Variants in SORT1 observed in about 807,000 individuals in gnomAD.
The protein encoded by SORT1 is sortilin.
A neutral mutation model predicts 101.7 loss-of-function variants in SORT1; 39 were observed. The observed-to-expected ratio is 0.38, with a 90% confidence interval of 0.30 to 0.50. The LOEUF (loss-of-function observed/expected upper bound fraction) is 0.50, where lower values mean the gene tolerates loss of function less well. SORT1 is among the 20% of genes least tolerant of loss of function. The pLI, the probability that SORT1 is intolerant of heterozygous loss-of-function variation, is 0.90. For synonymous variants in SORT1, 396 were observed against 393.7 expected, an observed-to-expected ratio of 1.01 and a Z score of -0.07; for missense variants, 878 against 1,040.4, an observed-to-expected ratio of 0.84 and a Z score of 2.15.
Position 109,345,852 on chromosome 1 carries a change from T to C in SORT1, c.862A>G (p.Arg288Gly). The C allele has an allele frequency of 6.2e-7, 1 of 1,613,300 alleles. No homozygotes were observed. The highest frequency in any genetic ancestry group is 8.5e-7 in the Non-Finnish European group (1 of 1,179,384). ...AAGCTTTTTCCCAAGTCTGAAGTTC[T>C]CCATAATTCCAGAGCCCCAAGGTCA... ...KADLGALELW[R>G]TSDLGKSFKT... Residue 288 changes from arginine (R) to glycine (G), a missense_variant, in exon 8 of 20, where the codon AGA becomes GGA. Transcript: ENST00000256637.
intron 4 of SORT1, 136 bp downstream of exon 4, chr1:109,355,231 A>G: frequency 1.6e-6 from 1 of 626,614 alleles, no homozygotes; most frequent in South Asian, 1.8e-5. Flanking sequence ...AATTGTGTTT[A>G]ATTTTAAAAT....
chr1:109,354,250 A>G lies in SORT1; in HGVS notation c.708+117T>C. On this transcript the variant is annotated intron_variant, in intron 5 of 19. Coordinates refer to ENST00000256637, the MANE Select transcript of SORT1 (RefSeq NM_002959.7). Reference sequence around the variant, plus strand: ...GTCAAAAAAATACATACTTCATGCCATAAGGAGACTTGAAAGAAGTCCAAT... The same window carrying G: ...GTCAAAAAAATACATACTTCATGCCGTAAGGAGACTTGAAAGAAGTCCAAT... 4.1e-6 allele frequency: 3 copies of G among 740,020 alleles called. No individual in the cohort carries two copies. In the South Asian group the frequency reaches 6.9e-5, roughly 17 times the overall value. 45.8% of individuals were successfully genotyped at this position (740,020 alleles called of 1,614,324 possible). A position where few individuals can be genotyped will look rare whatever the true frequency, so the allele number is the denominator to read the frequency against.
intron 1 of SORT1, among the ~76,000 whole-genome samples, chr1:109,388,238 A>T (rs1346551630): frequency 2.0e-5 from 3 of 151,632 alleles, no homozygotes; most frequent in Admixed American, 2.0e-4. Context: ...CCCCTAATAA[A>T]TTTTTTTGTA....
rs1650478193 is a variant in SORT1 at position 109,358,486 on chromosome 1, A to T, written c.441-3017T>A. ...AAATCTAATTTTCAAATTCCATATG[A>T]TAATTAATAGCGTTATGAACAGCCG... On this transcript the variant is annotated intron_variant, in intron 3 of 19. Transcript: ENST00000256637. Among the ~76,000 whole-genome samples, 4 of 152,298 alleles carry T rather than the reference A, an allele frequency of 2.6e-5. No individual in the cohort carries two copies. In the South Asian group the frequency reaches 6.2e-4, roughly 24 times the overall value.
At chr1:109,370,659 T>C (rs1305962338) in intron 1 of SORT1, among the ~76,000 whole-genome samples, 1 of 152,208 alleles carries the variant, frequency 6.6e-6, no homozygotes, top group Non-Finnish European at 1.5e-5. Flanking sequence ...TGGATGATTA[T>C]GCTTTTTTCT....
intron 10 of SORT1, among the ~76,000 whole-genome samples, chr1:109,337,778 C>A (rs776950901): frequency 5.3e-5 from 8 of 152,204 alleles, no homozygotes; most frequent in Non-Finnish European, 1.0e-4. Flanking sequence ...CAGGTGCATG[C>A]CACCAGGTCT....
intron 10 of SORT1, among the ~76,000 whole-genome samples, chr1:109,340,148 A>G (rs1360928427): frequency 5.8e-5 from 1 of 17,246 alleles, no homozygotes; most frequent in Non-Finnish European, 1.5e-4. Context: ...TTCCATCTCA[A>G]AAAAAAAAAA....
In SORT1 at chr1:109,327,425, C is replaced by G. The variant is rs974982884; in HGVS notation, c.1474+74G>C. 1.2e-5 allele frequency: 11 copies of G among 941,856 alleles called. No individual in the cohort carries two copies. In the African/African-American group the frequency reaches 1.3e-4, roughly 11 times the overall value. 58.3% of individuals were successfully genotyped at this position (941,856 alleles called of 1,614,324 possible). ...CCACATTGTTTCTTCTCAGAGCGTTCAAAGCCTGTTGGCTGAGTTTCAGTG... is the reference window on the plus strand; with the variant it reads ...CCACATTGTTTCTTCTCAGAGCGTTGAAAGCCTGTTGGCTGAGTTTCAGTG... On this transcript the variant is annotated intron_variant, in intron 12 of 19. Coordinates refer to ENST00000256637, the MANE Select transcript of SORT1 (RefSeq NM_002959.7).
chr1:109,320,605 C>T (rs1480877815), intron 15 of SORT1, among the ~76,000 whole-genome samples: 3 of 152,232 alleles, frequency 2.0e-5, no homozygotes, highest in Non-Finnish European at 4.4e-5. Flanking sequence ...ACGCTCAGCT[C>T]TCATACCACC....
intron 9 of SORT1, 25 bp downstream of exon 9, chr1:109,341,989 G>C: frequency 6.2e-7 from 1 of 1,605,740 alleles, no homozygotes; most frequent in South Asian, 1.1e-5. Flanking sequence ...ATGCTTTTAA[G>C]GGTAAGCCAC....
rs1385828583 is a variant in SORT1, at chr1:109,310,245, G to A, written c.*3798C>T. 1.3e-5 allele frequency: 2 copies of A among 152,754 alleles called. No individual in the cohort carries two copies. The highest frequency in any genetic ancestry group is 2.9e-5 in the Non-Finnish European group (2 of 68,042). The allele number at this position is 152,754 out of a possible 1,614,324, so 9.5% of individuals were successfully genotyped here. Reference sequence around the variant, plus strand: ...AACAAGTACACTTAAGAATGTACTGGTGTGAAGAAATGCATACTGCAAGTT... The same window carrying A: ...AACAAGTACACTTAAGAATGTACTGATGTGAAGAAATGCATACTGCAAGTT... On this transcript the variant is annotated 3_prime_UTR_variant, in exon 20 of 20. Coordinates refer to ENST00000256637, the MANE Select transcript of SORT1 (RefSeq NM_002959.7).
chr1:109,354,576 A>G (rs764498035), intron 4 of SORT1, 45 bp from the exon 5 acceptor site: 14 of 1,449,456 alleles, frequency 9.7e-6, no homozygotes, highest in Middle Eastern at 1.8e-4. Flanking sequence ...GATACTATCT[A>G]TGCAAGCACA....
At position 109,324,929 on chromosome 1, in the gene SORT1, T is replaced by C. The variant is rs994098831; in HGVS notation, c.1804A>G (p.Ile602Val). 1 of 1,611,254 alleles carries C rather than the reference T, an allele frequency of 6.2e-7. No individual in the cohort carries two copies. Among genetic ancestry groups the C allele is most frequent in the Non-Finnish European group, 8.5e-7 (1 of 1,178,198 alleles). ...FLTSQWVSYT[I>V]DFKDILERNC... is the part of the protein sequence containing the mutation. ...CTTTCAAGGATATCTTTAAAATCAA[T>C]GGTGTAGGAGACCCACTGGCTGGTC... Residue 602 changes from isoleucine to valine, a missense_variant, in exon 14 of 20, where the codon ATT becomes GTT. Ile to Val is a conservative substitution (Grantham distance 29). Transcript: ENST00000256637.
intron 1 of SORT1, among the ~76,000 whole-genome samples, chr1:109,383,422 A>T (rs1005956213): frequency 3.3e-5 from 5 of 152,254 alleles, no homozygotes; most frequent in African/African-American, 9.6e-5. Context: ...TCTAAAAATA[A>T]AGGCTAAACA....
At chr1:109,325,176 C>A in intron 13 of SORT1, 87 bp from the exon 14 acceptor site, 1 of 685,368 alleles carries the variant, frequency 1.5e-6, no homozygotes, top group South Asian at 2.7e-5. Flanking sequence ...TGATCCCAAA[C>A]CAGACAAAAC....
chr1:109,348,769 G>C (rs1231889707), intron 6 of SORT1, among the ~76,000 whole-genome samples: 1 of 152,018 alleles, frequency 6.6e-6, no homozygotes, highest in Non-Finnish European at 1.5e-5. Context: ...CTTGGATTAG[G>C]GGTATGAGCC....
rs1370072619 is a variant in SORT1, at chr1:109,326,462, T to C, written c.1643+530A>G. 3.0e-3 allele frequency among the ~76,000 whole-genome samples: 188 copies of C among 62,972 alleles called. 5 individuals carry two copies. Among genetic ancestry groups the C allele is most frequent in the African/African-American group, 0.012 (173 of 13,938 alleles). 41.3% of individuals were successfully genotyped at this position (62,972 alleles called of 152,430 possible). Reference sequence around the variant, plus strand: ...ATATATATATATATATATATATATATATACATACACACACACACACACATA... The same window carrying C: ...ATATATATATATATATATATATATACATACATACACACACACACACACATA... On this transcript the variant is annotated intron_variant, in intron 13 of 19. Coordinates refer to ENST00000256637, the MANE Select transcript of SORT1 (RefSeq NM_002959.7).
intron 7 of SORT1, among the ~76,000 whole-genome samples, chr1:109,347,024 G>A (rs1205868824): frequency 2.0e-5 from 3 of 152,166 alleles, no homozygotes; most frequent in Admixed American, 2.0e-4. Context: ...CAGGCCTTGG[G>A]TGTTTTCTTC....
chr1:109,377,537 G>C (rs1651941630), intron 1 of SORT1, among the ~76,000 whole-genome samples: 2 of 152,130 alleles, frequency 1.3e-5, no homozygotes, highest in South Asian at 4.1e-4. Flanking sequence ...ACTGGTATGT[G>C]TTCTTAGATG....
Sources: gnomAD v4.1 joint callset for allele counts (sites outside exome capture counted in the v4.1 genomes callset) on GRCh38, gnomAD v4.1.1 for gene constraint, MANE v1.5 for transcripts, NCBI Gene and HGNC (gene_info 2026-07-23, HGNC 2026-07-21) for gene names.